Variants in CACNA2D3 observed in about 807,000 individuals in gnomAD.
CACNA2D3 encodes the protein voltage-dependent calcium channel subunit alpha-2/delta-3.
A neutral mutation model predicts 160.6 loss-of-function variants in CACNA2D3; 60 were observed. The observed-to-expected ratio is 0.37, with a 90% CI of 0.30 to 0.46. The LOEUF is 0.46. CACNA2D3 is among the 20% of genes least tolerant of loss of function. The pLI is 1.00. For missense variants in CACNA2D3, 1,205 were observed against 1,365.0 expected (o/e 0.88, Z 1.85); for synonymous variants, 558 against 492.9 (o/e 1.13, Z -1.75).
chr3:54,479,701 T>C (rs978062138), intron 4 of CACNA2D3, among the ~76,000 whole-genome samples: 1 of 152,198 alleles, frequency 6.6e-6, no homozygotes, highest in African/African-American at 2.4e-5. Context: ...AGAAATGTCA[T>C]GACAGACACA....
intron 35 of CACNA2D3, among the ~76,000 whole-genome samples, chr3:55,021,229 T>C (rs545636471): frequency 6.6e-6 from 1 of 152,266 alleles, no homozygotes; most frequent in Non-Finnish European, 1.5e-5. Flanking sequence ...TTGAAATGGT[T>C]TTGGTGATTA....
chr3:54,535,164 T>A (rs1359474450), intron 5 of CACNA2D3, among the ~76,000 whole-genome samples: 1 of 152,156 alleles, frequency 6.6e-6, no homozygotes, highest in Non-Finnish European at 1.5e-5. Context: ...AACAACAGCA[T>A]CAATATCATC....
intron 31 of CACNA2D3, among the ~76,000 whole-genome samples, chr3:54,991,210 A>T (rs546226937): frequency 7.9e-5 from 12 of 151,942 alleles, no homozygotes; most frequent in Non-Finnish European, 1.5e-4. Context: ...CCCTGTGTTC[A>T]AAAAGTGTCG....
At chr3:54,197,876 T>C (rs942745195) in intron 2 of CACNA2D3, among the ~76,000 whole-genome samples, 2 of 152,180 alleles carry the variant, frequency 1.3e-5, no homozygotes, top group African/African-American at 4.8e-5. Flanking sequence ...CCATTTCCTA[T>C]CTCCAACCTG....
chr3:54,406,844 G>A (rs1699585350), intron 4 of CACNA2D3, among the ~76,000 whole-genome samples: 1 of 151,956 alleles, frequency 6.6e-6, no homozygotes, highest in Non-Finnish European at 1.5e-5. Context: ...AGGGGGATGG[G>A]TAACTACGTG....
intron 4 of CACNA2D3, among the ~76,000 whole-genome samples, chr3:54,501,547 C>T (rs1477886824): frequency 1.3e-5 from 2 of 151,736 alleles, no homozygotes; most frequent in Admixed American, 6.6e-5. Context: ...GCTGGGACTA[C>T]AGGCGGGTGC....
At chr3:54,783,441 A>G (rs1394565526) in intron 13 of CACNA2D3, among the ~76,000 whole-genome samples, 3 of 152,036 alleles carry the variant, frequency 2.0e-5, no homozygotes, top group African/African-American at 4.8e-5. Flanking sequence ...CCCCATCTCT[A>G]CTAAAAATAC....
intron 3 of CACNA2D3, among the ~76,000 whole-genome samples, chr3:54,382,847 T>TTTTTTA (rs1412553818): frequency 2.0e-5 from 3 of 152,154 alleles, no homozygotes; most frequent in Non-Finnish European, 4.4e-5. Flanking sequence ...TGACTCAGCT[T>TTTTTTA]TTTTTATTTT....
chr3:54,382,817 A>G (rs971191473), intron 3 of CACNA2D3, among the ~76,000 whole-genome samples: 6 of 152,208 alleles, frequency 3.9e-5, no homozygotes, highest in Non-Finnish European at 7.3e-5. Context: ...AACAAAACAC[A>G]GTAGAAACTT....
intron 12 of CACNA2D3, among the ~76,000 whole-genome samples, chr3:54,755,120 A>C (rs2107075347): frequency 6.6e-6 from 1 of 152,344 alleles, no homozygotes; most frequent in South Asian, 2.1e-4. Flanking sequence ...TGGGCAAGGC[A>C]CAATATCGGA....
chr3:54,777,410 C>G (rs948826594), intron 13 of CACNA2D3, among the ~76,000 whole-genome samples: 1 of 152,210 alleles, frequency 6.6e-6, no homozygotes, highest in East Asian at 1.9e-4. Flanking sequence ...ACAGAGCAGA[C>G]ATGACTAAGT....
At chr3:55,040,077 A>C (rs1703923765) in intron 35 of CACNA2D3, among the ~76,000 whole-genome samples, 1 of 152,250 alleles carries the variant, frequency 6.6e-6, no homozygotes, top group African/African-American at 2.4e-5. Flanking sequence ...AGGTTCTGGT[A>C]ACGGCTCTCT....
chr3:54,728,334 T>G (rs1053967264), intron 11 of CACNA2D3, among the ~76,000 whole-genome samples: 2 of 149,794 alleles, frequency 1.3e-5, no homozygotes, highest in Non-Finnish European at 3.0e-5. Flanking sequence ...TCATTAATCT[T>G]CTCTTCGGTA....
At chr3:54,151,297 G>T (rs1167806714) in intron 2 of CACNA2D3, among the ~76,000 whole-genome samples, 1 of 151,062 alleles carries the variant, frequency 6.6e-6, no homozygotes, top group South Asian at 2.1e-4. Flanking sequence ...ATGTAGGGAC[G>T]GATAATGGAT....
intron 35 of CACNA2D3, among the ~76,000 whole-genome samples, chr3:55,031,015 G>T (rs902862535): frequency 6.6e-6 from 1 of 152,178 alleles, no homozygotes; most frequent in Non-Finnish European, 1.5e-5. Context: ...GGGAAGAGGG[G>T]TGGGAGCACA....
chr3:54,460,851 G>T (rs1300497047), intron 4 of CACNA2D3, among the ~76,000 whole-genome samples: 1 of 151,990 alleles, frequency 6.6e-6, no homozygotes, highest in Non-Finnish European at 1.5e-5. Context: ...CCTGTCTTGT[G>T]CCAGTTTTCA....
At chr3:54,714,266 T>C (rs17054321) in intron 11 of CACNA2D3, among the ~76,000 whole-genome samples, 2,218 of 152,298 alleles carry the variant, frequency 0.015, 45 homozygotes, top group African/African-American at 0.05. Flanking sequence ...AGATTAGCAA[T>C]GGCATTAATT....
chr3:54,446,124 G>A (rs988751322), intron 4 of CACNA2D3, among the ~76,000 whole-genome samples: 3 of 152,160 alleles, frequency 2.0e-5, no homozygotes, highest in South Asian at 4.1e-4. Flanking sequence ...ATGTCTTTTC[G>A]TGTTTTGCTG....
intron 2 of CACNA2D3, among the ~76,000 whole-genome samples, chr3:54,226,292 C>CCCG (rs1428509902): frequency 4.6e-5 from 7 of 151,420 alleles, no homozygotes; most frequent in African/African-American, 1.7e-4. Flanking sequence ...TCTGCAATTC[C>CCCG]CCGCCTCCTG....
Sources: allele counts gnomAD v4.1 joint callset (sites outside exome capture counted in the v4.1 genomes callset), GRCh38; gene constraint gnomAD v4.1.1; transcripts MANE v1.5; gene names NCBI Gene and HGNC (gene_info 2026-07-23, HGNC 2026-07-21).